The following NDUFAF2 variants were observed in gnomAD, a reference collection of about 807,000 sequenced individuals.
NDUFAF2 encodes NADH:ubiquinone oxidoreductase complex assembly factor 2.
Under a neutral mutation model 22.8 loss-of-function variants are expected in NDUFAF2, and 13 were observed. The ratio of observed to expected loss-of-function variants is 0.57; its 90% CI spans 0.37 to 0.91. The LOEUF is 0.91. NDUFAF2 is among the 40% of genes least tolerant of loss of function. The probability of loss-of-function intolerance (pLI) is 0.01; values close to 1 mark genes in which losing one functional copy is unlikely to be tolerated. For missense variants in NDUFAF2, 162 were observed against 195.2 expected, an observed-to-expected ratio of 0.83 and a Z score of 1.01; for synonymous variants, 53 against 64.2, an observed-to-expected ratio of 0.83 and a Z score of 0.84.
chr5:61,092,142 T>TTTTG (rs1199285718), intron 2 of NDUFAF2, among the ~76,000 whole-genome samples: 1 of 152,114 alleles, frequency 6.6e-6, no homozygotes, highest in Non-Finnish European at 1.5e-5. Flanking sequence ...TCCAGCTTTG[T>TTTTG]TTTGTTTGTT....
At chr5:61,045,562 C>T (rs986589801) in intron 1 of NDUFAF2, among the ~76,000 whole-genome samples, 1 of 151,722 alleles carries the variant, frequency 6.6e-6, no homozygotes, top group African/African-American at 2.4e-5. Flanking sequence ...TGGTGTTGAA[C>T]CCCAGGCCTC....
Position 61,078,182 on chromosome 5 carries a change from A to G in NDUFAF2, c.217+4968A>G, listed in dbSNP as rs187390394. On this transcript the variant is annotated intron_variant, in intron 2 of 3. Coordinates refer to ENST00000296597, the MANE Select transcript of NDUFAF2 (RefSeq NM_174889.5). ...ACTATAGGGGGTTCCTTGTTTACTTATCTGCATCCTCCGCCCTAAACTGGA... is the reference window on the plus strand; with the variant it reads ...ACTATAGGGGGTTCCTTGTTTACTTGTCTGCATCCTCCGCCCTAAACTGGA... Among the ~76,000 whole-genome samples, 22 of 152,182 alleles carry G rather than the reference A, an allele frequency of 1.4e-4. No individual in the cohort carries two copies. In the East Asian group the frequency reaches 3.3e-3, roughly 23 times the overall value.
chr5:60,983,465 A>C (rs938103781), intron 1 of NDUFAF2, among the ~76,000 whole-genome samples: 1 of 142,920 alleles, frequency 7.0e-6, no homozygotes, highest in African/African-American at 2.6e-5. Flanking sequence ...TTAGACATGA[A>C]GTCCTTGCCC....
intron 1 of NDUFAF2, among the ~76,000 whole-genome samples, chr5:61,063,953 G>T (rs754406379): frequency 2.6e-5 from 4 of 152,114 alleles, no homozygotes; most frequent in Non-Finnish European, 5.9e-5. Context: ...TGGTTAGATG[G>T]AGTTAAAAAG....
chr5:61,120,658 G>A (rs1579841057), intron 3 of NDUFAF2, among the ~76,000 whole-genome samples: 1 of 152,002 alleles, frequency 6.6e-6, no homozygotes, highest in African/African-American at 2.4e-5. Flanking sequence ...TCCTGCTCAC[G>A]TTCTTTTAAG....
At chr5:61,048,258 CTTGTTTATCT>C (rs1482846939) in intron 1 of NDUFAF2, among the ~76,000 whole-genome samples, 2 of 151,978 alleles carry the variant, frequency 1.3e-5, no homozygotes, top group African/African-American at 4.8e-5. Context: ...GATATGTTTG[CTTGTTTATCT>C]ATTTTAAATC....
intron 1 of NDUFAF2, among the ~76,000 whole-genome samples, chr5:60,977,154 GT>G (rs1170883084): frequency 1.3e-5 from 2 of 152,076 alleles, no homozygotes; most frequent in Admixed American, 1.3e-4. Flanking sequence ...CTGGTGGAGT[GT>G]GGTGGCTCAC....
intron 1 of NDUFAF2, among the ~76,000 whole-genome samples, chr5:61,007,880 T>C (rs1180524049): frequency 6.6e-6 from 1 of 151,930 alleles, no homozygotes; most frequent in East Asian, 1.9e-4. Context: ...CTATTCACAA[T>C]AGCAAAGAGT....
At chr5:60,957,058 T>C (rs1259067936) in intron 1 of NDUFAF2, among the ~76,000 whole-genome samples, 1 of 152,170 alleles carries the variant, frequency 6.6e-6, no homozygotes, top group Non-Finnish European at 1.5e-5. Context: ...TGCTTATAAC[T>C]GAAGGGTGTT....
At chr5:60,977,425 A>AG (rs1241716229) in intron 1 of NDUFAF2, among the ~76,000 whole-genome samples, 2,632 of 151,958 alleles carry the variant, frequency 0.017, 83 homozygotes, top group African/African-American at 0.06. Context: ...CTGTCTCCAA[A>AG]AAAAAAGAAA....
At chr5:61,149,503 A>G (rs1208869829) in intron 3 of NDUFAF2, among the ~76,000 whole-genome samples, 1 of 152,164 alleles carries the variant, frequency 6.6e-6, no homozygotes, top group African/African-American at 2.4e-5. Flanking sequence ...TTTAATGAAG[A>G]AGTGAAATAT....
chr5:61,081,651 A>G (rs777118435), intron 2 of NDUFAF2, among the ~76,000 whole-genome samples: 8 of 152,214 alleles, frequency 5.3e-5, no homozygotes, highest in Admixed American at 5.2e-4. Context: ...ACAAACCTCT[A>G]TAGTTTTTCC....
At chr5:61,080,319 GTTTTA>G (rs1752426364) in intron 2 of NDUFAF2, among the ~76,000 whole-genome samples, 1 of 152,042 alleles carries the variant, frequency 6.6e-6, no homozygotes, top group African/African-American at 2.4e-5. Flanking sequence ...GGATTGGTAG[GTTTTA>G]TTTTAAGTAT....
chr5:60,954,152 T>C (rs894961147), intron 1 of NDUFAF2, among the ~76,000 whole-genome samples: 1 of 152,162 alleles, frequency 6.6e-6, no homozygotes, highest in Non-Finnish European at 1.5e-5. Flanking sequence ...CCCATATCCA[T>C]GTCTCTGGTC....
At chr5:61,034,523 T>G (rs1282640494) in intron 1 of NDUFAF2, among the ~76,000 whole-genome samples, 2 of 152,154 alleles carry the variant, frequency 1.3e-5, no homozygotes, top group African/African-American at 4.8e-5. Context: ...ATGTGGTCCG[T>G]CATTGACCAA....
intron 3 of NDUFAF2, among the ~76,000 whole-genome samples, chr5:61,143,935 A>G (rs1263164188): frequency 1.3e-5 from 2 of 150,006 alleles, no homozygotes; most frequent in African/African-American, 4.9e-5. Context: ...TGGAGCCAGA[A>G]CATTAAAGAT....
At chr5:61,070,707 A>G (rs77195713) in intron 1 of NDUFAF2, among the ~76,000 whole-genome samples, 3,690 of 152,092 alleles carry the variant, frequency 0.024, 63 homozygotes, top group Non-Finnish European at 0.038. Context: ...TGATCGACCT[A>G]AGAGTAGGAA....
intron 1 of NDUFAF2, among the ~76,000 whole-genome samples, chr5:60,949,959 A>G (rs1177778303): frequency 6.6e-6 from 1 of 152,250 alleles, no homozygotes; most frequent in East Asian, 1.9e-4. Flanking sequence ...CTCACCTACT[A>G]GTTCTTGAAT....
intron 1 of NDUFAF2, among the ~76,000 whole-genome samples, chr5:61,028,339 A>G (rs1490601280): frequency 6.6e-6 from 1 of 152,060 alleles, no homozygotes; most frequent in Non-Finnish European, 1.5e-5. Flanking sequence ...GTCTGAAATG[A>G]TGCTTCTACA....
Sources: allele counts gnomAD v4.1 joint callset (sites outside exome capture counted in the v4.1 genomes callset), GRCh38; gene constraint gnomAD v4.1.1; transcripts MANE v1.5; gene names NCBI Gene and HGNC (gene_info 2026-07-23, HGNC 2026-07-21).